Variants in SCN1A observed in about 807,000 individuals in gnomAD.
The protein encoded by SCN1A is sodium channel protein type 1 subunit alpha.
In SCN1A, 13 loss-of-function variants were observed where a neutral mutation model predicts 193.7. The ratio of observed to expected loss-of-function variants is 0.07; its 90% CI spans 0.04 to 0.11. The LOEUF (loss-of-function observed/expected upper bound fraction) is 0.11. Among genes scored for constraint, SCN1A ranks in the 10% least tolerant of loss-of-function variants. The pLI is 1.00. For synonymous variants in SCN1A, 781 were observed against 843.6 expected, an observed-to-expected ratio of 0.93 and a Z score of 1.29; for missense variants, 1,432 against 2,451.1, an observed-to-expected ratio of 0.58 and a Z score of 8.78.
At chr2:166,068,724 C>T (rs542348220) in intron 4 of SCN1A, among the ~76,000 whole-genome samples, 1 of 151,962 alleles carries the variant, frequency 6.6e-6, no homozygotes, top group South Asian at 2.1e-4. Context: ...CTCATGGAGC[C>T]CAAGAAAAAG....
Position 165,986,579 on chromosome 2 carries a change from T to C in SCN1A, c.*4666A>G, listed in dbSNP as rs1203461315. The C allele has an allele frequency of 6.6e-6, 1 of 151,794 alleles. No homozygotes were observed. Among genetic ancestry groups the C allele is most frequent in the Non-Finnish European group, 1.5e-5 (1 of 67,978 alleles). 9.4% of individuals were successfully genotyped at this position (151,794 alleles called of 1,614,324 possible). ...GAGAATAGTAGTTAAAAAACCAGTA[T>C]ATATTGAATTAATTACCAACAGTAG... is the stretch of plus-strand genomic sequence containing the variant. On this transcript the variant is annotated 3_prime_UTR_variant, in exon 29 of 29. Coordinates refer to ENST00000674923, the MANE Select transcript of SCN1A (RefSeq NM_001165963.4).
chr2:166,148,522 G>A (rs1233787421), intron 1 of SCN1A, among the ~76,000 whole-genome samples: 1 of 152,160 alleles, frequency 6.6e-6, no homozygotes, highest in Non-Finnish European at 1.5e-5. Context: ...AGTGTCGAAT[G>A]GCGCTTTTGC....
rs963277004 is a variant in SCN1A at position 166,047,504 on chromosome 2, A to C, written c.1170+123T>G. 7.5e-6 allele frequency: 8 copies of C among 1,063,170 alleles called. No individual in the cohort carries two copies. In the African/African-American group the frequency reaches 1.2e-4, roughly 17 times the overall value. 65.9% of individuals were successfully genotyped at this position (1,063,170 alleles called of 1,614,324 possible). A position where few individuals can be genotyped will look rare whatever the true frequency, so the allele number is the denominator to read the frequency against. On this transcript the variant is annotated intron_variant, in intron 11 of 28. Transcript: ENST00000674923. Reference sequence around the variant, plus strand: ...GTGTTATAATCAATAGGATAGAGGAACTCAAGTCTCGTTTCAAGTTCTGCT... The same window carrying C: ...GTGTTATAATCAATAGGATAGAGGACCTCAAGTCTCGTTTCAAGTTCTGCT...
At chr2:166,127,650 A>G (rs1355159792) in intron 1 of SCN1A, 121 bp downstream of exon 1, 1 of 152,304 alleles carries the variant, frequency 6.6e-6, no homozygotes, top group African/African-American at 2.4e-5. Context: ...AGTTGGTCTG[A>G]ATACACATAC....
chr2:166,147,484 A>C (rs1298598196), intron 1 of SCN1A, among the ~76,000 whole-genome samples: 2 of 152,212 alleles, frequency 1.3e-5, no homozygotes. Context: ...ATTAAATGCA[A>C]ATCAATTATA....
chr2:166,094,843 A>G (rs1050360976), intron 2 of SCN1A, among the ~76,000 whole-genome samples: 5 of 125,468 alleles, frequency 4.0e-5, no homozygotes, highest in African/African-American at 1.5e-4. Context: ...TGTGTAGTCT[A>G]TGGGATCTAT....
At chr2:166,139,641 C>G (rs539085027) in intron 1 of SCN1A, among the ~76,000 whole-genome samples, 2 of 152,260 alleles carry the variant, frequency 1.3e-5, no homozygotes, top group South Asian at 4.1e-4. Flanking sequence ...TAAAGACATA[C>G]CTGAGACTGG....
At position 166,052,907 on chromosome 2, in the gene SCN1A, C is replaced by G. The variant is rs200975276; in HGVS notation, c.639G>C (p.Ser213=). 1.2e-6 allele frequency: 2 copies of G among 1,612,182 alleles called. No individual in the cohort carries two copies. The highest frequency in any genetic ancestry group is 1.7e-6 in the Non-Finnish European group (2 of 1,179,030). Residue 213 remains serine, a synonymous_variant, in exon 8 of 29, where the codon TCG becomes TCC. Coordinates refer to ENST00000674923, the MANE Select transcript of SCN1A (RefSeq NM_001165963.4). The part of the protein sequence containing the change: ...VTEFVDLGNV[S]ALRTFRVLRA... The stretch of plus-strand genomic sequence containing the variant: ...GGAGAACTCTGAATGTTCTCAATGC[C>G]GAGACATTGCCCAGGTCCACAAACT...
chr2:166,013,798 A>G lies in SCN1A; in HGVS notation c.3651T>C (p.His1217=), dbSNP rs538655845. 2.5e-6 allele frequency: 4 copies of G among 1,612,222 alleles called. No homozygotes were observed. Among genetic ancestry groups the G allele is most frequent in the East Asian group, 4.5e-5 (2 of 44,828 alleles). ...LRRTCFRIVE[H]NWFETFIVFM... ...AAACAATGAAGGTCTCAAACCAGTTATGTTCAACTATTCGGAAACACGTCC... is the reference window on the plus strand; with the variant it reads ...AAACAATGAAGGTCTCAAACCAGTTGTGTTCAACTATTCGGAAACACGTCC... Residue 1217 remains histidine (H), a synonymous_variant, in exon 21 of 29, where the codon CAT becomes CAC. Coordinates refer to ENST00000674923, the MANE Select transcript of SCN1A (RefSeq NM_001165963.4).
chr2:166,056,395 T>C lies in SCN1A; in HGVS notation c.473+16A>G. 1 of 1,446,762 alleles carries C rather than the reference T, an allele frequency of 6.9e-7. No individual in the cohort carries two copies. The highest frequency in any genetic ancestry group is 9.7e-7 in the Non-Finnish European group (1 of 1,028,206). 89.6% of individuals were successfully genotyped at this position (1,446,762 alleles called of 1,614,324 possible). On this transcript the variant is annotated intron_variant, in intron 6 of 28. Transcript: ENST00000674923. ...CCAAATGTATATATGTTATTAAAAA[T>C]ATAAGTTGAACTTACTCTACATTCT...
chr2:166,026,224 T>G (rs569199590), intron 19 of SCN1A, among the ~76,000 whole-genome samples: 2 of 152,274 alleles, frequency 1.3e-5, no homozygotes, highest in Admixed American at 1.3e-4. Flanking sequence ...AATCTAAATG[T>G]TGTCATCTAT....
At position 165,998,041 on chromosome 2, in the gene SCN1A, C is replaced by G; in HGVS notation, c.4473G>C (p.Lys1491Asn). The G allele has an allele frequency of 6.2e-7, 1 of 1,602,156 alleles. No individual in the cohort carries two copies. The highest frequency in any genetic ancestry group is 8.5e-7 in the Non-Finnish European group (1 of 1,171,206). The change falls in exon 26 of 29, where the codon AAG becomes AAC. Residue 1491 changes from lysine (K) to asparagine (N), a missense_variant. Coordinates refer to ENST00000674923, the MANE Select transcript of SCN1A (RefSeq NM_001165963.4). ...VIIDNFNQQK[K>N]KFGGQDIFMT... Reference sequence around the variant, plus strand: ...AGAAAATATTAGAAATACTTATCTTCTTTTTCTGCTGGTTGAAATTATCTA... The same window carrying G: ...AGAAAATATTAGAAATACTTATCTTGTTTTTCTGCTGGTTGAAATTATCTA...
At chr2:166,142,858 G>A (rs1230951204) in intron 1 of SCN1A, among the ~76,000 whole-genome samples, 1 of 152,178 alleles carries the variant, frequency 6.6e-6, no homozygotes, top group Non-Finnish European at 1.5e-5. Context: ...AGCCTCATGA[G>A]ATCTGTTGGT....
chr2:166,024,156 G>A (rs1396016683), intron 19 of SCN1A, among the ~76,000 whole-genome samples: 1 of 152,082 alleles, frequency 6.6e-6, no homozygotes, highest in Admixed American at 6.5e-5. Flanking sequence ...AGCCCAGGAG[G>A]TTGAGGCTGC....
upstream of SCN1A, among the ~76,000 whole-genome samples, chr2:166,132,183 A>T (rs1691686722): frequency 6.6e-6 from 1 of 152,186 alleles, no homozygotes; most frequent in African/African-American, 2.4e-5. Context: ...CCCAACACAG[A>T]TAGCAAATGC....
In SCN1A at chr2:165,988,518, T is replaced by A. The variant is rs1688746848; in HGVS notation, c.*2727A>T. ...CCCAGAGAAAGTAGCTTCAGTTGTATGAGGGGCAGTCTGATTGGAGTATGA... is the reference window on the plus strand; with the variant it reads ...CCCAGAGAAAGTAGCTTCAGTTGTAAGAGGGGCAGTCTGATTGGAGTATGA... On this transcript the variant is annotated 3_prime_UTR_variant, in exon 29 of 29. Coordinates refer to ENST00000674923, the MANE Select transcript of SCN1A (RefSeq NM_001165963.4). The A allele has an allele frequency of 6.6e-6, 1 of 152,248 alleles. No homozygotes were observed. Among genetic ancestry groups the A allele is most frequent in the Non-Finnish European group, 1.5e-5 (1 of 68,152 alleles). 9.4% of individuals were successfully genotyped at this position (152,248 alleles called of 1,614,324 possible).
At chr2:166,035,989 T>G (rs1696287315) in intron 19 of SCN1A, 59 bp downstream of exon 19, 11 of 1,523,722 alleles carry the variant, frequency 7.2e-6, no homozygotes, top group Non-Finnish European at 9.1e-6. Flanking sequence ...ATCATCTGTA[T>G]GTGTGTATAT....
chr2:166,021,785 G>A (rs1694103693), intron 19 of SCN1A, among the ~76,000 whole-genome samples: 1 of 152,104 alleles, frequency 6.6e-6, no homozygotes, highest in Non-Finnish European at 1.5e-5. Context: ...TGCAATGAAA[G>A]GCATCTGTCC....
chr2:166,068,585 T>C (rs1453720930), intron 4 of SCN1A, among the ~76,000 whole-genome samples: 11 of 152,148 alleles, frequency 7.2e-5, no homozygotes, highest in South Asian at 6.2e-4. Context: ...TTAATTACTT[T>C]TGCAAGAAAA....
Sources: allele counts gnomAD v4.1 joint callset (sites outside exome capture counted in the v4.1 genomes callset), GRCh38; gene constraint gnomAD v4.1.1; transcripts MANE v1.5; gene names NCBI Gene and HGNC (gene_info 2026-07-23, HGNC 2026-07-21).